The following NCOA2 variants were observed in gnomAD, a reference collection of about 807,000 sequenced individuals.
NCOA2 encodes class E basic helix-loop-helix protein 75.
A neutral mutation model predicts 145.1 loss-of-function variants in NCOA2; 21 were observed. That is an observed-to-expected ratio of 0.14 (90% CI 0.10 to 0.21). NCOA2 has a LOEUF of 0.21. NCOA2 is among the 10% of genes least tolerant of loss of function. NCOA2 has a pLI of 1.00. For synonymous variants in NCOA2, 619 were observed against 637.5 expected, an observed-to-expected ratio of 0.97 and a Z score of 0.44; for missense variants, 1,472 against 1,837.6, an observed-to-expected ratio of 0.80 and a Z score of 3.64.
intron 19 of NCOA2, 183 bp downstream of exon 19, chr8:70,126,630 T>C (rs560870259): frequency 3.3e-6 from 2 of 609,274 alleles, no homozygotes; most frequent in East Asian, 2.8e-5. Flanking sequence ...TGGAAGGTAC[T>C]GTGCTGGACT....
chr8:70,346,752 C>A (rs1039910099), intron 1 of NCOA2, among the ~76,000 whole-genome samples: 1 of 152,182 alleles, frequency 6.6e-6, no homozygotes, highest in Non-Finnish European at 1.5e-5. Context: ...ATGTAGCTAA[C>A]AAGTACTCAA....
At chr8:70,324,395 G>C (rs1806371540) in intron 1 of NCOA2, among the ~76,000 whole-genome samples, 1 of 152,188 alleles carries the variant, frequency 6.6e-6, no homozygotes, top group South Asian at 2.1e-4. Context: ...GCAGTGCAGT[G>C]ATGTGACCAA....
the NCOA2 span, among the ~76,000 whole-genome samples, chr8:70,428,797 C>T: frequency 6.6e-6 from 1 of 151,366 alleles, no homozygotes; most frequent in African/African-American, 2.4e-5. Flanking sequence ...TTCTGTAGGG[C>T]AAATTGCTCA....
rs933419325 is a variant in NCOA2 at position 70,240,684 on chromosome 8, T to G, written c.-19-23920A>C. Among the ~76,000 whole-genome samples the G allele has an allele frequency of 8.3e-4, 126 of 152,288 alleles. 1 individual carries two copies. The highest frequency in any genetic ancestry group is 2.9e-3 in the African/African-American group (122 of 41,572). On this transcript the variant is annotated intron_variant, in intron 2 of 22. Coordinates refer to ENST00000452400, the MANE Select transcript of NCOA2 (RefSeq NM_006540.4). ...ATTGCTGTTGACTGTGAGTGCAATC[T>G]TAATGAATCAACAATATTATGTAAC...
intron 4 of NCOA2, among the ~76,000 whole-genome samples, chr8:70,178,602 C>G (rs923245026): frequency 6.6e-6 from 1 of 152,152 alleles, no homozygotes; most frequent in Non-Finnish European, 1.5e-5. Flanking sequence ...AGTGAAAAAT[C>G]CTCGTCTGCC....
intron 12 of NCOA2, among the ~76,000 whole-genome samples, chr8:70,147,721 T>C (rs1330401270): frequency 1.3e-5 from 2 of 152,212 alleles, no homozygotes; most frequent in East Asian, 3.8e-4. Context: ...CGTCAAGTGA[T>C]GTTTATATGA....
chr8:70,156,163 C>T lies in NCOA2; in HGVS notation c.2202G>A (p.Pro734=), dbSNP rs189568297. The T allele has an allele frequency of 1.7e-4, 270 of 1,613,798 alleles. 1 individual carries two copies. In the African/African-American group the frequency reaches 2.8e-3, roughly 17 times the overall value. The change falls in exon 11 of 23, where the codon CCG becomes CCA. Residue 734 remains proline, a synonymous_variant. Transcript: ENST00000452400. The stretch of plus-strand genomic sequence containing the variant: ...CATTCTCTTTCTTCTTGGGGCTCAC[C>T]GGCTCTTGTTTAATAGTCACTTCTG... ...PGSEVTIKQE[P]VSPKKKENAL... is the part of the protein sequence containing the mutation.
At chr8:70,263,712 G>A (rs1824335932) in intron 2 of NCOA2, among the ~76,000 whole-genome samples, 1 of 150,766 alleles carries the variant, frequency 6.6e-6, no homozygotes, top group Non-Finnish European at 1.5e-5. Flanking sequence ...CTGGGCGGCA[G>A]AGTGAGACTC....
intron 2 of NCOA2, among the ~76,000 whole-genome samples, chr8:70,255,315 G>A (rs535762404): frequency 6.6e-6 from 1 of 152,250 alleles, no homozygotes; most frequent in Admixed American, 6.5e-5. Context: ...TTAAAAAACA[G>A]GAGATCAGAA....
intron 4 of NCOA2, among the ~76,000 whole-genome samples, chr8:70,179,709 TTC>T (rs1252255311): frequency 3.9e-5 from 6 of 152,176 alleles, no homozygotes; most frequent in African/African-American, 9.7e-5. Flanking sequence ...TAAAAATATA[TTC>T]TGTTACAAAA....
At chr8:70,272,730 C>CAAATGT (rs1018933200) in intron 2 of NCOA2, among the ~76,000 whole-genome samples, 127 of 152,112 alleles carry the variant, frequency 8.3e-4, no homozygotes, top group African/African-American at 2.9e-3. Context: ...TACAATTGTA[C>CAAATGT]AAAAGGACAC....
At chr8:70,121,476 C>T (rs543983932) in intron 21 of NCOA2, 85 bp from the exon 22 acceptor site, 4 of 1,032,814 alleles carry the variant, frequency 3.9e-6, no homozygotes, top group Non-Finnish European at 5.9e-6. Flanking sequence ...CGCCCTTCCT[C>T]TGTTTTTAGG....
At chr8:70,314,180 CAAAAAAAA>C (rs61028027) in intron 1 of NCOA2, among the ~76,000 whole-genome samples, 54 of 17,184 alleles carry the variant, frequency 3.1e-3, no homozygotes, top group South Asian at 0.024. Flanking sequence ...ACTCTGACTC[CAAAAAAAA>C]AAAAAAAAAA....
intron 2 of NCOA2, among the ~76,000 whole-genome samples, chr8:70,284,544 A>G (rs1826106336): frequency 6.6e-6 from 1 of 152,146 alleles, no homozygotes; most frequent in Admixed American, 6.6e-5. Context: ...ATAGGGAGGG[A>G]CTTTAACCCT....
At chr8:70,148,871 T>C (rs1811415925) in intron 11 of NCOA2, among the ~76,000 whole-genome samples, 1 of 152,176 alleles carries the variant, frequency 6.6e-6, no homozygotes, top group African/African-American at 2.4e-5. Flanking sequence ...CTAGGTTTTA[T>C]CATCAAAACT....
At chr8:70,175,649 GT>G (rs1387170404) in intron 4 of NCOA2, among the ~76,000 whole-genome samples, 3 of 152,196 alleles carry the variant, frequency 2.0e-5, no homozygotes, top group Admixed American at 1.3e-4. Flanking sequence ...AACGTATGTG[GT>G]AAAGTAGTTA....
chr8:70,318,773 A>C (rs1334798504), intron 1 of NCOA2, among the ~76,000 whole-genome samples: 1 of 152,152 alleles, frequency 6.6e-6, no homozygotes, highest in East Asian at 1.9e-4. Context: ...AAAAGAAAAA[A>C]AAAGAAGGAG....
chr8:70,353,468 A>G (rs763097886), intron 1 of NCOA2, among the ~76,000 whole-genome samples: 1 of 147,668 alleles, frequency 6.8e-6, no homozygotes, highest in Non-Finnish European at 1.5e-5. Context: ...TTTATCTGGT[A>G]AATCTTTTTT....
chr8:70,364,426 C>T (rs1030157916), intron 1 of NCOA2, among the ~76,000 whole-genome samples: 6 of 152,040 alleles, frequency 3.9e-5, no homozygotes, highest in African/African-American at 1.2e-4. Flanking sequence ...CTGACTTTTT[C>T]AGAAAAATGC....
Sources: allele counts gnomAD v4.1 joint callset (sites outside exome capture counted in the v4.1 genomes callset), GRCh38; gene constraint gnomAD v4.1.1; transcripts MANE v1.5; gene names NCBI Gene and HGNC (gene_info 2026-07-23, HGNC 2026-07-21).